The following MDFIC variants were observed in gnomAD, a reference collection of about 807,000 sequenced individuals.
MDFIC encodes myoD family inhibitor domain-containing protein.
In MDFIC, 17 loss-of-function variants were observed where a neutral mutation model predicts 23.2. That is an observed-to-expected ratio of 0.73 (90% confidence interval 0.50 to 1.10). The LOEUF (loss-of-function observed/expected upper bound fraction) is 1.10, where lower values mean the gene tolerates loss of function less well. Ranked by LOEUF, MDFIC falls within the 50% of genes least tolerant of loss-of-function variation. MDFIC has a pLI of 0.00. For synonymous variants in MDFIC, 120 were observed against 115.2 expected (o/e 1.04, Z -0.27); for missense variants, 356 against 316.6 (o/e 1.12, Z -0.95).
At chr7:115,015,459 G>A (rs1347937928) in intron 4 of MDFIC, among the ~76,000 whole-genome samples, 1 of 152,020 alleles carries the variant, frequency 6.6e-6, no homozygotes, top group Non-Finnish European at 1.5e-5. Flanking sequence ...GAACACATGT[G>A]CGTACACACA....
At chr7:114,993,817 T>C (rs1235918767) in intron 4 of MDFIC, among the ~76,000 whole-genome samples, 3 of 152,228 alleles carry the variant, frequency 2.0e-5, no homozygotes, top group African/African-American at 7.2e-5. Context: ...GAGAAGAATG[T>C]ATATTCTGTT....
At chr7:114,987,938 A>G (rs542398885) in intron 4 of MDFIC, among the ~76,000 whole-genome samples, 2 of 152,332 alleles carry the variant, frequency 1.3e-5, no homozygotes, top group South Asian at 2.1e-4. Context: ...TATCATACCT[A>G]TGTATTTGGT....
chr7:114,965,840 C>T (rs1793084426), intron 3 of MDFIC, among the ~76,000 whole-genome samples: 1 of 152,078 alleles, frequency 6.6e-6, no homozygotes, highest in African/African-American at 2.4e-5. Context: ...TTCATTTTTT[C>T]TTACATTTTA....
chr7:114,992,217 T>C (rs1791187198), intron 4 of MDFIC, among the ~76,000 whole-genome samples: 2 of 152,280 alleles, frequency 1.3e-5, no homozygotes, highest in Admixed American at 1.3e-4. Flanking sequence ...GAGACTTTGC[T>C]GAAGTTGCTT....
chr7:114,985,267 C>T (rs1336702892), intron 4 of MDFIC, among the ~76,000 whole-genome samples: 1 of 152,146 alleles, frequency 6.6e-6, no homozygotes, highest in East Asian at 1.9e-4. Flanking sequence ...AGAATACAGA[C>T]TGGCTCAGAT....
intron 3 of MDFIC, among the ~76,000 whole-genome samples, chr7:114,970,938 A>T (rs776691515): frequency 3.3e-4 from 51 of 152,308 alleles, no homozygotes; most frequent in Non-Finnish European, 6.3e-4. Flanking sequence ...CACAGCAAGC[A>T]TGACTTTTTG....
At chr7:114,951,638 T>G (rs1792773033) in intron 3 of MDFIC, among the ~76,000 whole-genome samples, 1 of 152,086 alleles carries the variant, frequency 6.6e-6, no homozygotes, top group South Asian at 2.1e-4. Context: ...TCCCACTTAA[T>G]ATTCTGTATT....
chr7:114,993,102 T>G (rs963564192), intron 4 of MDFIC, among the ~76,000 whole-genome samples: 4 of 152,202 alleles, frequency 2.6e-5, no homozygotes, highest in African/African-American at 7.2e-5. Flanking sequence ...ATCCAGGAAT[T>G]TATCCATTTC....
At chr7:115,014,564 C>G in intron 4 of MDFIC, 1 of 1,249,092 alleles carries the variant, frequency 8.0e-7, no homozygotes, top group South Asian at 1.3e-5. Flanking sequence ...TGTCTTATCG[C>G]TATTGTAGGT....
intron 4 of MDFIC, among the ~76,000 whole-genome samples, chr7:115,007,806 C>T (rs4730662): frequency 0.026 from 3,843 of 146,812 alleles, 119 homozygotes; most frequent in South Asian, 0.078. Context: ...CCCCCACCCC[C>T]CGACCCCCTC....
chr7:114,944,635 C>T (rs985560608), intron 3 of MDFIC, among the ~76,000 whole-genome samples: 1 of 152,194 alleles, frequency 6.6e-6, no homozygotes, highest in African/African-American at 2.4e-5. Context: ...CTTCTTTGGC[C>T]TTCCCCACAG....
chr7:114,968,162 G>C (rs902430588), intron 3 of MDFIC, among the ~76,000 whole-genome samples: 1 of 152,108 alleles, frequency 6.6e-6, no homozygotes, highest in Non-Finnish European at 1.5e-5. Flanking sequence ...TTGTCTCTCT[G>C]TGCCATTTGC....
At position 115,016,224 on chromosome 7, in the gene MDFIC, G is replaced by A. The variant is rs1275911871; in HGVS notation, c.*289G>A. 9.0e-6 allele frequency: 3 copies of A among 331,632 alleles called. No homozygotes were observed. The highest frequency in any genetic ancestry group is 2.2e-5 in the African/African-American group (1 of 46,472). 20.5% of individuals were successfully genotyped at this position (331,632 alleles called of 1,614,324 possible). ...TGTTAAATGCCTTCTCCTTTTTACC[G>A]ATATTTCTGTTTCTTTTAACCGTTC... On this transcript the variant is annotated 3_prime_UTR_variant, in exon 5 of 5. Coordinates refer to ENST00000393486, the MANE Select transcript of MDFIC (RefSeq NM_001166345.3).
At chr7:115,004,332 C>T (rs963273545) in intron 4 of MDFIC, among the ~76,000 whole-genome samples, 4 of 152,306 alleles carry the variant, frequency 2.6e-5, no homozygotes, top group East Asian at 1.9e-4. Context: ...CATGCCTATA[C>T]TCCTAGTAGC....
At chr7:114,923,656 A>T in intron 2 of MDFIC, 1 of 1,420,580 alleles carries the variant, frequency 7.0e-7, no homozygotes, top group Non-Finnish European at 9.2e-7. Flanking sequence ...TTTATAAGAA[A>T]CACTTTCCAA....
At chr7:114,927,233 C>T (rs1053049598) in intron 2 of MDFIC, among the ~76,000 whole-genome samples, 1 of 152,000 alleles carries the variant, frequency 6.6e-6, no homozygotes, top group African/African-American at 2.4e-5. Flanking sequence ...AATCAAGCTC[C>T]AGGTGCTCCT....
chr7:114,947,621 A>G (rs1792672275), intron 3 of MDFIC, among the ~76,000 whole-genome samples: 1 of 152,100 alleles, frequency 6.6e-6, no homozygotes, highest in Non-Finnish European at 1.5e-5. Flanking sequence ...GCTGGGGAGA[A>G]CCATTTCATT....
At chr7:114,942,523 T>C in intron 3 of MDFIC, 126 bp downstream of exon 3, 1 of 674,006 alleles carries the variant, frequency 1.5e-6, no homozygotes, top group African/African-American at 1.9e-5. Flanking sequence ...TAAAAGTGGT[T>C]TCATTTGTAT....
intron 4 of MDFIC, 54 bp downstream of exon 4, chr7:114,979,835 C>T (rs1793387576): frequency 6.4e-7 from 1 of 1,558,052 alleles, no homozygotes; most frequent in Admixed American, 1.7e-5. Context: ...ATAATATTTC[C>T]TGGTAATTAT....
Sources: gnomAD v4.1 joint callset for allele counts (sites outside exome capture counted in the v4.1 genomes callset) on GRCh38, gnomAD v4.1.1 for gene constraint, MANE v1.5 for transcripts, NCBI Gene and HGNC (gene_info 2026-07-23, HGNC 2026-07-21) for gene names.